RNF180: variants seen among roughly 807,000 people sequenced by gnomAD.
RNF180 encodes ring finger protein 180.
In RNF180, 38 loss-of-function variants were observed where a neutral mutation model predicts 59.2. That is an observed-to-expected ratio of 0.64 (90% confidence interval 0.50 to 0.84). RNF180 has a LOEUF of 0.84. RNF180 is among the 40% of genes least tolerant of loss of function. The probability of loss-of-function intolerance (pLI) is 0.00; values close to 1 mark genes in which losing one functional copy is unlikely to be tolerated. For synonymous variants in RNF180, 262 were observed against 240.3 expected (o/e 1.09, Z -0.84); for missense variants, 705 against 700.9 (o/e 1.01, Z -0.07).
At chr5:64,360,288 A>T (rs533057249) in intron 7 of RNF180, among the ~76,000 whole-genome samples, 1 of 151,962 alleles carries the variant, frequency 6.6e-6, no homozygotes, top group South Asian at 2.1e-4. Flanking sequence ...GTAATCCAGC[A>T]TATAAACAGA....
chr5:64,279,599 T>G (rs1283602700), intron 5 of RNF180, among the ~76,000 whole-genome samples: 3 of 152,208 alleles, frequency 2.0e-5, no homozygotes, highest in Non-Finnish European at 2.9e-5. Context: ...GATACATACT[T>G]AAATATTAGT....
intron 1 of RNF180, among the ~76,000 whole-genome samples, chr5:64,181,458 T>A (rs1750578868): frequency 1.3e-5 from 2 of 152,216 alleles, no homozygotes; most frequent in Admixed American, 1.3e-4. Context: ...AATTACAGTT[T>A]TTTAAATGGG....
chr5:64,331,273 G>A (rs907887244), intron 7 of RNF180, among the ~76,000 whole-genome samples: 5 of 152,200 alleles, frequency 3.3e-5, no homozygotes, highest in African/African-American at 9.7e-5. Flanking sequence ...AGGCAGACAG[G>A]CTCCTGGGCA....
intron 7 of RNF180, among the ~76,000 whole-genome samples, chr5:64,346,359 CTTTTTTTTTTTTTTTT>C (rs1162054033): frequency 1.2e-4 from 5 of 42,954 alleles, no homozygotes; most frequent in African/African-American, 4.6e-4. Flanking sequence ...TTCTTTTCTT[CTTTTTTTTTTTTTTTT>C]TTTTTTTTTT....
At chr5:64,169,655 T>A (rs1301367895) in intron 1 of RNF180, among the ~76,000 whole-genome samples, 1 of 152,156 alleles carries the variant, frequency 6.6e-6, no homozygotes, top group Admixed American at 6.5e-5. Context: ...CCTGTTTAAT[T>A]TTTTTTGCAA....
At chr5:64,266,411 A>G (rs1744684028) in intron 5 of RNF180, among the ~76,000 whole-genome samples, 1 of 149,906 alleles carries the variant, frequency 6.7e-6, no homozygotes, top group African/African-American at 2.5e-5. Context: ...GTTATAATAT[A>G]CAGGCTTCTT....
At chr5:64,366,118 C>T (rs192751007) in intron 7 of RNF180, among the ~76,000 whole-genome samples, 10 of 151,650 alleles carry the variant, frequency 6.6e-5, no homozygotes, top group Admixed American at 5.9e-4. Context: ...TCTTTCCTTT[C>T]CATATTTAAT....
intron 5 of RNF180, among the ~76,000 whole-genome samples, chr5:64,231,225 AAC>A (rs1219968743): frequency 2.0e-5 from 3 of 152,226 alleles, no homozygotes; most frequent in Non-Finnish European, 4.4e-5. Context: ...GTACATAAAT[AAC>A]ACATATGTAG....
intron 5 of RNF180, among the ~76,000 whole-genome samples, chr5:64,251,899 C>T (rs76753149): frequency 1.3e-5 from 2 of 151,986 alleles, no homozygotes; most frequent in Non-Finnish European, 2.9e-5. Context: ...GAAAGATCTG[C>T]ACACTGAAAA....
chr5:64,359,823 G>A (rs1464446386), intron 7 of RNF180, among the ~76,000 whole-genome samples: 3 of 152,054 alleles, frequency 2.0e-5, no homozygotes, highest in Non-Finnish European at 4.4e-5. Flanking sequence ...TAAGGTGTAA[G>A]GAAGGGATCC....
intron 5 of RNF180, among the ~76,000 whole-genome samples, chr5:64,244,586 A>G (rs186360175): frequency 2.7e-4 from 41 of 152,332 alleles, no homozygotes; most frequent in Admixed American, 4.6e-4. Flanking sequence ...AAATGGGACT[A>G]TGTGAAAAGA....
chr5:64,165,771 G>A (rs145429870), upstream of RNF180: 1,073 of 152,222 alleles, frequency 7.0e-3, 8 homozygotes, highest in Non-Finnish European at 0.012. Context: ...GTCCGAGGCC[G>A]CGGGGTCGGG....
At chr5:64,331,583 T>C (rs989515080) in intron 7 of RNF180, among the ~76,000 whole-genome samples, 5 of 152,170 alleles carry the variant, frequency 3.3e-5, no homozygotes, top group Non-Finnish European at 5.9e-5. Flanking sequence ...AGATACCCAC[T>C]GTGGGTCTCC....
At chr5:64,231,819 GA>G (rs1168611397) in intron 5 of RNF180, among the ~76,000 whole-genome samples, 8 of 152,204 alleles carry the variant, frequency 5.3e-5, no homozygotes, top group African/African-American at 1.9e-4. Flanking sequence ...AAGGAAGAAA[GA>G]AAATAAAGCA....
chr5:64,348,413 G>C (rs921838981), intron 7 of RNF180, among the ~76,000 whole-genome samples: 1 of 152,026 alleles, frequency 6.6e-6, no homozygotes, highest in East Asian at 1.9e-4. Flanking sequence ...ATTCCTTAGA[G>C]TCCTAAGAAT....
intron 2 of RNF180, among the ~76,000 whole-genome samples, chr5:64,208,463 A>T (rs1752135216): frequency 6.6e-6 from 1 of 152,042 alleles, no homozygotes; most frequent in African/African-American, 2.4e-5. Flanking sequence ...ACTCATCTTA[A>T]AATATGTCCA....
At chr5:64,215,406 T>C (rs1031510911) in intron 4 of RNF180, among the ~76,000 whole-genome samples, 3 of 152,208 alleles carry the variant, frequency 2.0e-5, no homozygotes, top group Admixed American at 2.0e-4. Flanking sequence ...TCATTATGGC[T>C]TATTCTAGTT....
rs139086886 is a variant in RNF180, at chr5:64,251,327, C to T, written c.1227+33931C>T. 1.8e-3 allele frequency among the ~76,000 whole-genome samples: 269 copies of T among 152,330 alleles called. 2 individuals are homozygous for T. The highest frequency in any genetic ancestry group is 5.8e-3 in the African/African-American group (243 of 41,588). ...GTCACCACTTTTTATCGTTACCATA[C>T]TGGCGACCCTAGCCATAGCAATTAG... On this transcript the variant is annotated intron_variant, in intron 5 of 7. Coordinates refer to ENST00000389100, the MANE Select transcript of RNF180 (RefSeq NM_001113561.2).
At chr5:64,322,957 C>T (rs1000281027) in intron 5 of RNF180, among the ~76,000 whole-genome samples, 47 of 152,042 alleles carry the variant, frequency 3.1e-4, no homozygotes, top group Admixed American at 1.4e-3. Flanking sequence ...CCAAAACCAC[C>T]TGTTCCCCCA....
Sources: gnomAD v4.1 joint callset for allele counts (sites outside exome capture counted in the v4.1 genomes callset) on GRCh38, gnomAD v4.1.1 for gene constraint, MANE v1.5 for transcripts, NCBI Gene and HGNC (gene_info 2026-07-23, HGNC 2026-07-21) for gene names.